The following ZBTB32 variants were observed in gnomAD, a reference collection of about 807,000 sequenced individuals.
The protein encoded by ZBTB32 is zinc finger and BTB domain-containing protein 32.
ZBTB32 carries 28 observed loss-of-function variants against 45.3 expected under a neutral mutation model. The observed-to-expected ratio is 0.62, with a 90% CI of 0.46 to 0.85. ZBTB32 has a LOEUF of 0.85. Ranked by LOEUF, ZBTB32 falls within the 40% of genes least tolerant of loss-of-function variation. The probability of loss-of-function intolerance (pLI) is 0.00; values close to 1 mark genes in which losing one functional copy is unlikely to be tolerated. For synonymous variants in ZBTB32, 283 were observed against 255.7 expected (o/e 1.11, Z -1.02); for missense variants, 587 against 624.4 (o/e 0.94, Z 0.64).
chr19:35,707,885 G>A (rs1325826598), intron 1 of ZBTB32, among the ~76,000 whole-genome samples: 4 of 152,114 alleles, frequency 2.6e-5, no homozygotes, highest in Non-Finnish European at 5.9e-5. Context: ...AGGAGGCTGA[G>A]GCAGGAGAAT....
intron 1 of ZBTB32, among the ~76,000 whole-genome samples, chr19:35,710,083 T>G (rs768595288): frequency 2.0e-5 from 3 of 149,570 alleles, no homozygotes; most frequent in Non-Finnish European, 4.4e-5. Context: ...TGGTAGCAGT[T>G]GCCTGTAATC....
intron 1 of ZBTB32, among the ~76,000 whole-genome samples, chr19:35,712,509 A>G (rs567153726): frequency 1.4e-4 from 22 of 152,340 alleles, no homozygotes; most frequent in Admixed American, 8.5e-4. Flanking sequence ...AGGATCAGGG[A>G]TAAGAGAATA....
chr19:35,711,148 C>T (rs916542253), intron 1 of ZBTB32, among the ~76,000 whole-genome samples: 2 of 152,144 alleles, frequency 1.3e-5, no homozygotes, highest in Non-Finnish European at 2.9e-5. Flanking sequence ...AGCAAACCAG[C>T]GGGGGAGCTG....
intron 1 of ZBTB32, among the ~76,000 whole-genome samples, chr19:35,707,122 G>T (rs1005003293): frequency 4.0e-5 from 6 of 149,596 alleles, no homozygotes; most frequent in African/African-American, 1.5e-4. Flanking sequence ...TTGAGCCCAG[G>T]ATGTCAAGAC....
chr19:35,705,223 C>T (rs939400681), intron 1 of ZBTB32, among the ~76,000 whole-genome samples: 2 of 152,034 alleles, frequency 1.3e-5, no homozygotes, highest in African/African-American at 4.8e-5. Flanking sequence ...GCAGGAGAAT[C>T]GCTTGAACTC....
At chr19:35,709,072 C>T (rs184352619) in intron 1 of ZBTB32, among the ~76,000 whole-genome samples, 2 of 152,222 alleles carry the variant, frequency 1.3e-5, no homozygotes, top group African/African-American at 2.4e-5. Flanking sequence ...CGCTTGCCTC[C>T]ACCTCCCAGA....
intron 6 of ZBTB32, 86 bp from the exon 7 acceptor site, chr19:35,716,392 G>A (rs983921139): frequency 1.3e-6 from 2 of 1,587,008 alleles, no homozygotes; most frequent in South Asian, 1.1e-5. Context: ...CAATCCCCTA[G>A]CCCCGTGGCC....
At chr19:35,715,580 G>A in intron 3 of ZBTB32, 73 bp downstream of exon 3, 1 of 1,492,540 alleles carries the variant, frequency 6.7e-7, no homozygotes, top group Non-Finnish European at 8.9e-7. Flanking sequence ...CCTGCTGGGT[G>A]GAAGGGCACT....
Position 35,717,017 on chromosome 19 carries a change from A to G in ZBTB32, c.*265A>G, listed in dbSNP as rs180944859. 9.7e-6 allele frequency: 5 copies of G among 514,294 alleles called. No individual in the cohort carries two copies. The Admixed American group carries it at 1.7e-4, about 18-fold the overall frequency. The allele number at this position is 514,294 out of a possible 1,614,324, so 31.9% of individuals were successfully genotyped here. A position where few individuals can be genotyped will look rare whatever the true frequency, so the allele number is the denominator to read the frequency against. On this transcript the variant is annotated 3_prime_UTR_variant, in exon 7 of 7. Coordinates refer to ENST00000392197, the MANE Select transcript of ZBTB32 (RefSeq NM_014383.3). ...TGTCGATCTCATCACCATAATAAAG[A>G]GTTTCCTGTGCCCTCCCTTCAGGAC...
intron 1 of ZBTB32, among the ~76,000 whole-genome samples, chr19:35,711,711 G>A (rs1968697360): frequency 6.6e-6 from 1 of 152,134 alleles, no homozygotes; most frequent in African/African-American, 2.4e-5. Flanking sequence ...GCATCTAGGA[G>A]GGGACAAGGA....
At chr19:35,716,084 G>A (rs2234371) in intron 5 of ZBTB32, 49 bp from the exon 6 acceptor site, 284,933 of 1,610,710 alleles carry the variant, frequency 0.18, 26,861 homozygotes, top group Middle Eastern at 0.25. Context: ...CAGTGAGTTG[G>A]CGCTGGGATT....
intron 2 of ZBTB32, 156 bp downstream of exon 2, chr19:35,713,189 T>C (rs907714869): frequency 2.6e-5 from 4 of 152,198 alleles, no homozygotes; most frequent in African/African-American, 9.7e-5. Flanking sequence ...CTTCTTTGAC[T>C]CTAGGAGTTC....
In ZBTB32 at chr19:35,714,698, C is replaced by A. The variant is rs770292885; in HGVS notation, c.72C>A (p.Leu24=). The A allele has an allele frequency of 5.6e-6, 9 of 1,608,608 alleles. No homozygotes were observed. Among genetic ancestry groups the A allele is most frequent in the Admixed American group, 3.4e-5 (2 of 59,680 alleles). ...SDRLVQLAAR[L]RPALCDTLIT... ...GGCTGGTACAGCTAGCAGCCAGGCT[C>A]CGGCCAGCACTCTGTGATACTCTGA... The change falls in exon 3 of 7, where the codon CTC becomes CTA. Residue 24 remains leucine, a synonymous_variant. Transcript: ENST00000392197.
In ZBTB32 at chr19:35,716,785, A is replaced by G; in HGVS notation, c.*33A>G. 2 of 1,577,786 alleles carry G rather than the reference A, an allele frequency of 1.3e-6. No individual in the cohort carries two copies. Among genetic ancestry groups the G allele is most frequent in the Non-Finnish European group, 1.7e-6 (2 of 1,155,476 alleles). ...TCGGTAGCGTCTTAGCCAAGAGTCC[A>G]ATTAAAGAACGAAAAGCGGGCCGGC... On this transcript the variant is annotated 3_prime_UTR_variant, in exon 7 of 7. Transcript: ENST00000392197.
chr19:35,716,349 C>A lies in ZBTB32; in HGVS notation c.1189+52C>A, dbSNP rs187428056. On this transcript the variant is annotated intron_variant, in intron 6 of 6. Coordinates refer to ENST00000392197, the MANE Select transcript of ZBTB32 (RefSeq NM_014383.3). Reference sequence around the variant, plus strand: ...TGTCGGCTTTCTTCCCAACTCCGCTCCTGAGTCTCCACCTGTGTGCCCGGT... The same window carrying A: ...TGTCGGCTTTCTTCCCAACTCCGCTACTGAGTCTCCACCTGTGTGCCCGGT... 2,880 of 1,607,634 alleles carry A rather than the reference C, an allele frequency of 1.8e-3. 6 individuals are homozygous for A. Among genetic ancestry groups the A allele is most frequent in the Non-Finnish European group, 2.3e-3 (2,671 of 1,175,544 alleles).
chr19:35,710,893 G>A (rs901226326), intron 1 of ZBTB32, among the ~76,000 whole-genome samples: 1 of 152,170 alleles, frequency 6.6e-6, no homozygotes, highest in Non-Finnish European at 1.5e-5. Context: ...AGTGCTCAGG[G>A]TGTCATCAGC....
rs1432813436 is a variant in ZBTB32 at position 35,716,543 on chromosome 19, C to G, written c.1255C>G (p.His419Asp). The change falls in exon 7 of 7, where the codon CAC becomes GAC. Residue 419 changes from histidine (H) to aspartate (D), a missense_variant. By Grantham distance (81) the His-to-Asp change is moderately conservative. Transcript: ENST00000392197. The part of the protein sequence containing the change: ...RSRDFSAMTK[H>D]LRTHGAAPYR... ...CCGGGACTTCTCGGCCATGACCAAG[C>G]ACCTGCGGACACACGGGGCCGCTCC... The G allele has an allele frequency of 1.2e-6, 2 of 1,612,690 alleles. No individual in the cohort carries two copies. Among genetic ancestry groups the G allele is most frequent in the Non-Finnish European group, 1.7e-6 (2 of 1,179,518 alleles).
chr19:35,711,108 A>T (rs942981694), intron 1 of ZBTB32, among the ~76,000 whole-genome samples: 1 of 152,126 alleles, frequency 6.6e-6, no homozygotes, highest in Non-Finnish European at 1.5e-5. Context: ...CTGCCCTTTG[A>T]GCAGTCTCCA....
intron 1 of ZBTB32, among the ~76,000 whole-genome samples, chr19:35,709,191 G>C (rs1968624151): frequency 6.6e-6 from 1 of 152,156 alleles, no homozygotes; most frequent in African/African-American, 2.4e-5. Flanking sequence ...ATGCTGTGGG[G>C]AATTTAACCA....
Sources: allele counts gnomAD v4.1 joint callset (sites outside exome capture counted in the v4.1 genomes callset), GRCh38; gene constraint gnomAD v4.1.1; transcripts MANE v1.5; gene names NCBI Gene and HGNC (gene_info 2026-07-23, HGNC 2026-07-21).